Variants in TNS3 observed in about 807,000 individuals in gnomAD.
TNS3 encodes the protein tensin-3.
Under a neutral mutation model 140.9 loss-of-function variants are expected in TNS3, and 45 were observed. The ratio of observed to expected loss-of-function variants is 0.32; its 90% CI spans 0.25 to 0.41. TNS3 has a LOEUF of 0.41. Among genes scored for constraint, TNS3 ranks in the 10% least tolerant of loss-of-function variants. The probability of loss-of-function intolerance (pLI) is 1.00; values close to 1 mark genes in which losing one functional copy is unlikely to be tolerated. For missense variants in TNS3, 1,716 were observed against 1,906.7 expected (o/e 0.90, Z 1.86); for synonymous variants, 815 against 788.4 (o/e 1.03, Z -0.56).
intron 1 of TNS3, among the ~76,000 whole-genome samples, chr7:47,576,038 G>C (rs1800668100): frequency 6.6e-6 from 1 of 151,940 alleles, no homozygotes; most frequent in Non-Finnish European, 1.5e-5. Context: ...TGTCCACCCG[G>C]CTCTGCAGGT....
intron 20 of TNS3, among the ~76,000 whole-genome samples, chr7:47,321,200 T>C (rs1787716809): frequency 6.6e-6 from 1 of 152,210 alleles, no homozygotes; most frequent in South Asian, 2.1e-4. Flanking sequence ...TCTCCTCTCT[T>C]TGTGTTTTTG....
intron 4 of TNS3, among the ~76,000 whole-genome samples, chr7:47,446,162 A>T (rs1584678474): frequency 6.6e-6 from 1 of 152,152 alleles, no homozygotes; most frequent in Non-Finnish European, 1.5e-5. Context: ...CACAGGCTGG[A>T]GTGCAGTGGC....
At chr7:47,288,462 G>A (rs11520829) in intron 27 of TNS3, among the ~76,000 whole-genome samples, 10,153 of 152,296 alleles carry the variant, frequency 0.067, 475 homozygotes, top group South Asian at 0.1. Flanking sequence ...TTTTTAAAAG[G>A]TGCAACTGAA....
intron 4 of TNS3, among the ~76,000 whole-genome samples, chr7:47,474,768 AAC>A (rs1421360085): frequency 6.7e-6 from 1 of 148,632 alleles, no homozygotes; most frequent in African/African-American, 2.5e-5. Context: ...CACAAAGCAC[AAC>A]ACACACACCT....
At chr7:47,317,954 A>G (rs1336407423) in intron 20 of TNS3, among the ~76,000 whole-genome samples, 4 of 152,248 alleles carry the variant, frequency 2.6e-5, no homozygotes, top group Non-Finnish European at 4.4e-5. Flanking sequence ...TAAGACATAC[A>G]TAACAAAATT....
At chr7:47,320,999 G>A (rs1787704661) in intron 20 of TNS3, among the ~76,000 whole-genome samples, 1 of 152,216 alleles carries the variant, frequency 6.6e-6, no homozygotes, top group African/African-American at 2.4e-5. Context: ...TGAGGCATGT[G>A]GCTTTTGAGG....
chr7:47,576,305 G>A (rs779992791), intron 1 of TNS3, among the ~76,000 whole-genome samples: 6 of 152,000 alleles, frequency 3.9e-5, no homozygotes, highest in Non-Finnish European at 7.4e-5. Flanking sequence ...AAAACCCCAC[G>A]TGGCTCCCAC....
intron 4 of TNS3, among the ~76,000 whole-genome samples, chr7:47,443,996 C>T (rs1346487694): frequency 1.3e-5 from 2 of 152,042 alleles, no homozygotes; most frequent in African/African-American, 2.4e-5. Context: ...ATGAAGTCTC[C>T]GAAAAGGTAA....
chr7:47,391,638 GT>G (rs1792523679), intron 16 of TNS3, among the ~76,000 whole-genome samples: 1 of 152,200 alleles, frequency 6.6e-6, no homozygotes, highest in Non-Finnish European at 1.5e-5. Context: ...CAACATGGGG[GT>G]CCAGAGCTTT....
intron 14 of TNS3, 112 bp from the exon 15 acceptor site, chr7:47,400,570 A>G: frequency 1.6e-6 from 2 of 1,278,688 alleles, no homozygotes; most frequent in Non-Finnish European, 2.2e-6. Flanking sequence ...AATCTGCAAT[A>G]AAGACACCCC....
chr7:47,474,825 A>G (rs1797120646), intron 4 of TNS3, among the ~76,000 whole-genome samples: 1 of 149,108 alleles, frequency 6.7e-6, no homozygotes, highest in South Asian at 2.1e-4. Flanking sequence ...CACACACAAC[A>G]CACACGACAG....
intron 4 of TNS3, among the ~76,000 whole-genome samples, chr7:47,477,382 C>A (rs939034046): frequency 7.9e-5 from 12 of 152,130 alleles, no homozygotes; most frequent in African/African-American, 2.9e-4. Flanking sequence ...GGGGTGGGTA[C>A]AAGTGCCAGG....
At chr7:47,582,517 C>T (rs973565303), upstream of TNS3, 2 of 456,474 alleles carry the variant, frequency 4.4e-6, no homozygotes, top group South Asian at 3.1e-5. Context: ...GGGAGCAAGA[C>T]CTACCCTCCC....
At position 47,300,548 on chromosome 7, in the gene TNS3, C is replaced by T. The variant is rs957666393; in HGVS notation, c.3544+1638G>A. Among the ~76,000 whole-genome samples the T allele has an allele frequency of 1.6e-4, 25 of 152,232 alleles. 1 individual carries two copies. The highest frequency in any genetic ancestry group is 5.8e-4 in the African/African-American group (24 of 41,460). On this transcript the variant is annotated intron_variant, in intron 23 of 30. Transcript: ENST00000311160. ...GCAGGCTCGAACCTTGCTACCCTGC[C>T]GAGGAAGCCAGCAGTGCACTCCAAC...
rs780158718 is a variant in TNS3, at chr7:47,303,479, G to A, written c.2928C>T (p.Ser976=). The change falls in exon 22 of 31, where the codon TCC becomes TCT. Residue 976 remains serine, a synonymous_variant. Coordinates refer to ENST00000311160, the MANE Select transcript of TNS3 (RefSeq NM_022748.12). ...GCACTGGGGAGTCCTTCCTGGTACCGGAGAACTCAGCGCTGAGGGGACTTC... is the reference window on the plus strand; with the variant it reads ...GCACTGGGGAGTCCTTCCTGGTACCAGAGAACTCAGCGCTGAGGGGACTTC... ...PTGSPLSAEF[S]GTRKDSPVLS... is the part of the protein sequence containing the mutation. 8 of 1,611,224 alleles carry A rather than the reference G, an allele frequency of 5.0e-6. No homozygotes were observed. Among genetic ancestry groups the A allele is most frequent in the African/African-American group, 1.3e-5 (1 of 74,932 alleles).
intron 20 of TNS3, among the ~76,000 whole-genome samples, chr7:47,307,288 A>C (rs1786816643): frequency 6.6e-6 from 1 of 152,224 alleles, no homozygotes; most frequent in African/African-American, 2.4e-5. Context: ...TCACTTAAGA[A>C]ATTATTTTGA....
intron 17 of TNS3, among the ~76,000 whole-genome samples, chr7:47,361,872 G>A (rs529055700): frequency 4.4e-4 from 67 of 152,070 alleles, no homozygotes; most frequent in Middle Eastern, 3.4e-3. Flanking sequence ...GATGTAACAT[G>A]AATAAAATAT....
At chr7:47,527,598 A>G (rs1312117898) in intron 2 of TNS3, among the ~76,000 whole-genome samples, 1 of 152,170 alleles carries the variant, frequency 6.6e-6, no homozygotes, top group East Asian at 1.9e-4. Context: ...GATGACCAAG[A>G]TATCACCTAG....
chr7:47,526,837 G>A (rs1799210846), intron 2 of TNS3, among the ~76,000 whole-genome samples: 2 of 152,200 alleles, frequency 1.3e-5, no homozygotes, highest in Non-Finnish European at 2.9e-5. Flanking sequence ...CTGATTCCCA[G>A]GTTCTCTGTG....
Sources: gnomAD v4.1 joint callset for allele counts (sites outside exome capture counted in the v4.1 genomes callset) on GRCh38, gnomAD v4.1.1 for gene constraint, MANE v1.5 for transcripts, NCBI Gene and HGNC (gene_info 2026-07-23, HGNC 2026-07-21) for gene names.